MCC: variants seen among roughly 807,000 people sequenced by gnomAD.
MCC encodes the protein MCC regulator of Wnt signaling pathway, also known as colorectal mutant cancer protein.
In MCC, 90 loss-of-function variants were observed where a neutral mutation model predicts 116.2. That is an observed-to-expected ratio of 0.77 (90% CI 0.65 to 0.92). The LOEUF (loss-of-function observed/expected upper bound fraction) is 0.92. Ranked by LOEUF, MCC falls within the 40% of genes least tolerant of loss-of-function variation. The pLI is 0.00. For missense variants in MCC, 1,516 were observed against 1,312.2 expected, an observed-to-expected ratio of 1.16 and a Z score of -2.40; for synonymous variants, 578 against 510.5, an observed-to-expected ratio of 1.13 and a Z score of -1.78.
At chr5:113,401,996 C>CA (rs1190906402) in intron 1 of MCC, among the ~76,000 whole-genome samples, 1 of 151,550 alleles carries the variant, frequency 6.6e-6, no homozygotes, top group Non-Finnish European at 1.5e-5. Context: ...ACTATGGGGG[C>CA]ACAAAAACAC....
intron 3 of MCC, among the ~76,000 whole-genome samples, chr5:113,333,175 A>T (rs1218334141): frequency 2.0e-5 from 3 of 151,726 alleles, no homozygotes; most frequent in Non-Finnish European, 4.4e-5. Context: ...TCTCACCACT[A>T]CTACACCAAC....
chr5:113,029,119 C>A (rs1181302892), intron 17 of MCC, 63 bp from the exon 18 acceptor site: 2 of 1,502,842 alleles, frequency 1.3e-6, no homozygotes, highest in East Asian at 4.7e-5. Context: ...GTGCCCACTC[C>A]CTGGGAAGTG....
At chr5:113,153,136 T>C (rs1190146637) in intron 3 of MCC, among the ~76,000 whole-genome samples, 5 of 152,208 alleles carry the variant, frequency 3.3e-5, no homozygotes, top group Non-Finnish European at 7.4e-5. Flanking sequence ...ATACCAACTC[T>C]TGAGAAAGGA....
chr5:113,289,383 G>A (rs1561508879), intron 3 of MCC, among the ~76,000 whole-genome samples: 1 of 151,668 alleles, frequency 6.6e-6, no homozygotes, highest in Non-Finnish European at 1.5e-5. Flanking sequence ...TTTTGGACAA[G>A]GCTCTGTCAT....
At chr5:113,081,144 G>C (rs111383904) in intron 11 of MCC, among the ~76,000 whole-genome samples, 1 of 152,164 alleles carries the variant, frequency 6.6e-6, no homozygotes, top group Admixed American at 6.5e-5. Flanking sequence ...CCAACTTTGA[G>C]GTAGTTAGAA....
At chr5:113,162,050 C>T (rs531319901) in intron 3 of MCC, among the ~76,000 whole-genome samples, 2 of 152,228 alleles carry the variant, frequency 1.3e-5, no homozygotes, top group South Asian at 4.2e-4. Context: ...TTCAAATCTG[C>T]TTCGTGTTCC....
intron 3 of MCC, among the ~76,000 whole-genome samples, chr5:113,241,126 T>C (rs1375993236): frequency 1.3e-5 from 2 of 152,376 alleles, no homozygotes; most frequent in East Asian, 3.9e-4. Context: ...CTGAGCTATA[T>C]GACATATTGC....
intron 3 of MCC, among the ~76,000 whole-genome samples, chr5:113,258,094 G>C (rs1431430139): frequency 6.6e-6 from 1 of 152,184 alleles, no homozygotes; most frequent in Non-Finnish European, 1.5e-5. Flanking sequence ...TTGTGAATGA[G>C]AGAGAGCTTC....
chr5:113,244,776 A>G (rs1399914478), intron 3 of MCC, among the ~76,000 whole-genome samples: 1 of 152,258 alleles, frequency 6.6e-6, no homozygotes, highest in African/African-American at 2.4e-5. Context: ...AGTAATTAAG[A>G]AAACAATGTT....
chr5:113,046,176 T>C (rs949520549), intron 16 of MCC, among the ~76,000 whole-genome samples: 4 of 152,058 alleles, frequency 2.6e-5, no homozygotes, highest in Admixed American at 2.6e-4. Context: ...CATCTGGCCT[T>C]TTCCATAGGA....
chr5:113,430,217 G>C (rs778145047), intron 1 of MCC, among the ~76,000 whole-genome samples: 4 of 152,204 alleles, frequency 2.6e-5, no homozygotes, highest in Non-Finnish European at 5.9e-5. Context: ...TAGCCTGGGA[G>C]GTACACCAAT....
chr5:113,101,685 C>T, intron 8 of MCC, 54 bp downstream of exon 8: 1 of 1,590,960 alleles, frequency 6.3e-7, no homozygotes, highest in Admixed American at 1.7e-5. Context: ...ACACCAGCCT[C>T]TCTCAGCCCC....
chr5:113,100,691 T>C (rs1756351135), intron 8 of MCC, among the ~76,000 whole-genome samples: 1 of 152,132 alleles, frequency 6.6e-6, no homozygotes. Flanking sequence ...CAGGCTGGTC[T>C]TGAACTCCTG....
chr5:113,349,939 T>C (rs1041637715), intron 2 of MCC, among the ~76,000 whole-genome samples: 6 of 151,892 alleles, frequency 4.0e-5, no homozygotes, highest in African/African-American at 1.4e-4. Context: ...ATCCCAAGTA[T>C]AATAGTTACA....
At chr5:113,281,686 T>C (rs1766052377) in intron 3 of MCC, among the ~76,000 whole-genome samples, 2 of 152,216 alleles carry the variant, frequency 1.3e-5, no homozygotes, top group South Asian at 4.1e-4. Context: ...TTGACACTAT[T>C]TGGATAAACA....
chr5:113,289,255 C>A (rs981292091), intron 3 of MCC, among the ~76,000 whole-genome samples: 1 of 147,780 alleles, frequency 6.8e-6, no homozygotes, highest in African/African-American at 2.5e-5. Context: ...TGCTTGATCC[C>A]GGGAGGCAGG....
At chr5:113,108,775 A>G (rs1756907873) in intron 6 of MCC, among the ~76,000 whole-genome samples, 1 of 152,206 alleles carries the variant, frequency 6.6e-6, no homozygotes, top group African/African-American at 2.4e-5. Flanking sequence ...CTACCCTTCA[A>G]ACCAATGAGG....
At chr5:113,139,828 T>A (rs1339112154) in intron 5 of MCC, among the ~76,000 whole-genome samples, 1 of 152,190 alleles carries the variant, frequency 6.6e-6, no homozygotes, top group Non-Finnish European at 1.5e-5. Flanking sequence ...TTCAAGCGAT[T>A]CTCCTGCCTC....
At chr5:113,478,185 C>T (rs1772283322) in intron 1 of MCC, among the ~76,000 whole-genome samples, 1 of 152,140 alleles carries the variant, frequency 6.6e-6, no homozygotes, top group Non-Finnish European at 1.5e-5. Flanking sequence ...TGGCTCTGAT[C>T]CAGGGCTCTT....
Sources: allele counts gnomAD v4.1 joint callset (sites outside exome capture counted in the v4.1 genomes callset), GRCh38; gene constraint gnomAD v4.1.1; transcripts MANE v1.5; gene names NCBI Gene and HGNC (gene_info 2026-07-23, HGNC 2026-07-21).